INSL6: variants seen among roughly 807,000 people sequenced by gnomAD.
INSL6 encodes the protein insulin-like peptide INSL6.
A neutral mutation model predicts 9.4 loss-of-function variants in INSL6; 16 were observed. That is an observed-to-expected ratio of 1.70 (90% CI 1.15 to 2.59). The LOEUF (loss-of-function observed/expected upper bound fraction) is 2.59, where lower values mean the gene tolerates loss of function less well. Ranked by LOEUF, INSL6 falls within the 30% of genes most tolerant of loss-of-function variation. The pLI is 0.00. For synonymous variants in INSL6, 154 were observed against 96.9 expected, an observed-to-expected ratio of 1.59 and a Z score of -3.46; for missense variants, 391 against 257.3, an observed-to-expected ratio of 1.52 and a Z score of -3.56.
chr9:5,088,307 G>A, the INSL6 span, among the ~76,000 whole-genome samples: 1 of 151,984 alleles, frequency 6.6e-6, no homozygotes, highest in Non-Finnish European at 1.5e-5. Flanking sequence ...GAGCCTACAT[G>A]GTCTAGGTTT....
At chr9:5,140,288 A>G (rs1050988420) in intron 2 of INSL6, among the ~76,000 whole-genome samples, 2 of 151,972 alleles carry the variant, frequency 1.3e-5, no homozygotes, top group Non-Finnish European at 2.9e-5. Flanking sequence ...GGCAGAACTC[A>G]TCATATTTTC....
the INSL6 span, among the ~76,000 whole-genome samples, chr9:5,016,650 T>G: frequency 2.0e-4 from 31 of 152,328 alleles, no homozygotes; most frequent in African/African-American, 7.0e-4. Context: ...ACACCTTTGT[T>G]AACCACTACT....
the INSL6 span, among the ~76,000 whole-genome samples, chr9:5,060,357 T>C: frequency 6.6e-6 from 1 of 152,210 alleles, no homozygotes; most frequent in Non-Finnish European, 1.5e-5. Flanking sequence ...CTGTAGCATG[T>C]GACATTGTTT....
intron 3 of INSL6, among the ~76,000 whole-genome samples, chr9:5,129,196 T>A (rs1292190126): frequency 6.6e-6 from 1 of 152,108 alleles, no homozygotes; most frequent in Admixed American, 6.5e-5. Context: ...ATCTTGATGG[T>A]GGGTGTGGCA....
the INSL6 span, among the ~76,000 whole-genome samples, chr9:5,031,051 T>C: frequency 1.3e-5 from 2 of 151,944 alleles, no homozygotes; most frequent in African/African-American, 2.4e-5. Flanking sequence ...CAGAAGACAG[T>C]ATAGGAAAAT....
the INSL6 span, among the ~76,000 whole-genome samples, chr9:5,079,413 A>C: frequency 6.6e-6 from 1 of 152,168 alleles, no homozygotes; most frequent in African/African-American, 2.4e-5. Flanking sequence ...ATTTGAGCAG[A>C]GCCCACCTAT....
chr9:5,047,096 C>G, the INSL6 span, among the ~76,000 whole-genome samples: 2 of 151,940 alleles, frequency 1.3e-5, no homozygotes, highest in African/African-American at 4.8e-5. Context: ...TAGATAGTAC[C>G]ACAAGCAATT....
At chr9:4,998,281 G>A in the INSL6 span, among the ~76,000 whole-genome samples, 1 of 152,074 alleles carries the variant, frequency 6.6e-6, no homozygotes, top group Admixed American at 6.6e-5. Flanking sequence ...TGTTGAGATG[G>A]AGTCTTGCTC....
At chr9:5,118,861 T>G in the INSL6 span, among the ~76,000 whole-genome samples, 36 of 152,300 alleles carry the variant, frequency 2.4e-4, no homozygotes, top group African/African-American at 7.5e-4. Context: ...AGCAGAGAAT[T>G]AAAACCACTT....
chr9:5,122,855 G>C (rs199906756), downstream of INSL6: 1 of 269,738 alleles, frequency 3.7e-6, no homozygotes, highest in Non-Finnish European at 6.3e-6. Flanking sequence ...CAGGCAAAAA[G>C]GCCCTTTTAA....
At chr9:5,091,919 T>C in the INSL6 span, among the ~76,000 whole-genome samples, 3 of 151,984 alleles carry the variant, frequency 2.0e-5, no homozygotes, top group Admixed American at 2.0e-4. Flanking sequence ...GAGCTTTAGG[T>C]GGAGTGGTAT....
At chr9:5,020,894 T>C in the INSL6 span, among the ~76,000 whole-genome samples, 11 of 152,012 alleles carry the variant, frequency 7.2e-5, no homozygotes, top group Admixed American at 6.5e-4. Flanking sequence ...CTGGTGTGGG[T>C]TGGGCTTTAA....
the INSL6 span, among the ~76,000 whole-genome samples, chr9:5,117,521 C>A: frequency 3.3e-5 from 5 of 152,020 alleles, no homozygotes; most frequent in Admixed American, 1.3e-4. Context: ...TTTCCAGAGG[C>A]AATAAGATAT....
downstream of INSL6, among the ~76,000 whole-genome samples, chr9:5,162,545 G>C (rs1387764049): frequency 6.6e-6 from 1 of 152,132 alleles, no homozygotes; most frequent in Non-Finnish European, 1.5e-5. Context: ...GTACATGGCT[G>C]TATTTTAGCC....
intron 2 of INSL6, among the ~76,000 whole-genome samples, chr9:5,148,838 G>T (rs1032137719): frequency 6.6e-6 from 1 of 152,212 alleles, no homozygotes; most frequent in Admixed American, 6.5e-5. Flanking sequence ...GGTAGAGCAA[G>T]GCACCAGGCT....
the INSL6 span, among the ~76,000 whole-genome samples, chr9:5,083,919 C>CA: frequency 6.6e-6 from 1 of 152,102 alleles, no homozygotes; most frequent in Admixed American, 6.5e-5. Context: ...TCTATATATA[C>CA]AATTCTATAT....
chr9:5,164,300 TAAAATC>T, intron 1 of INSL6, 35 bp from the exon 2 acceptor site: 1 of 1,358,944 alleles, frequency 7.4e-7, no homozygotes, highest in Non-Finnish European at 1.0e-6. Flanking sequence ...GCTCCTTTAT[TAAAATC>T]TTCCTTTAGA....
chr9:5,179,864 A>G (rs1825406946), intron 1 of INSL6, among the ~76,000 whole-genome samples: 1 of 152,176 alleles, frequency 6.6e-6, no homozygotes, highest in Non-Finnish European at 1.5e-5. Flanking sequence ...GGGGGAAGGG[A>G]AAGTATCAGG....
At chr9:5,107,963 T>C in the INSL6 span, 1 of 152,254 alleles carries the variant, frequency 6.6e-6, no homozygotes, top group Middle Eastern at 3.4e-3. Context: ...CTGTTACCAA[T>C]AATATGATTC....
Sources: allele counts gnomAD v4.1 joint callset (sites outside exome capture counted in the v4.1 genomes callset), GRCh38; gene constraint gnomAD v4.1.1; transcripts MANE v1.5; gene names NCBI Gene and HGNC (gene_info 2026-07-23, HGNC 2026-07-21).